The following BRAF variants were observed in gnomAD, a reference collection of about 807,000 sequenced individuals.
BRAF encodes the protein serine/threonine-protein kinase B-raf.
BRAF carries 16 observed loss-of-function variants against 104.6 expected under a neutral mutation model. The observed-to-expected ratio is 0.15, with a 90% CI of 0.10 to 0.23. The LOEUF (loss-of-function observed/expected upper bound fraction) is 0.23. Among genes scored for constraint, BRAF ranks in the 10% least tolerant of loss-of-function variants. The pLI is 1.00. For missense variants in BRAF, 541 were observed against 937.3 expected (o/e 0.58, Z 5.52); for synonymous variants, 310 against 341.6 (o/e 0.91, Z 1.02).
In BRAF at chr7:140,723,325, G is replaced by C; in HGVS notation, c.*3169C>G. 2.8e-6 allele frequency: 3 copies of C among 1,055,680 alleles called. No homozygotes were observed. Among genetic ancestry groups the C allele is most frequent in the Non-Finnish European group, 3.4e-6 (3 of 873,246 alleles). The allele number at this position is 1,055,680 out of a possible 1,614,324, so 65.4% of individuals were successfully genotyped here. A position where few individuals can be genotyped will look rare whatever the true frequency, so the allele number is the denominator to read the frequency against. The stretch of plus-strand genomic sequence containing the variant: ...TTCAGGTTGACAGTGCTGCAGTCTT[G>C]AATTATTTCTTTATATACTGCTCTT... On this transcript the variant is annotated 3_prime_UTR_variant, in exon 20 of 20. Coordinates refer to ENST00000644969, the MANE Select transcript of BRAF (RefSeq NM_001374258.1).
At chr7:140,862,563 G>C (rs1810534854) in intron 1 of BRAF, among the ~76,000 whole-genome samples, 1 of 152,156 alleles carries the variant, frequency 6.6e-6, no homozygotes, top group Admixed American at 6.5e-5. Flanking sequence ...ATAAATCCTA[G>C]TTTACATAAT....
intron 18 of BRAF, among the ~76,000 whole-genome samples, chr7:140,738,118 C>T (rs956571589): frequency 6.6e-6 from 1 of 152,034 alleles, no homozygotes; most frequent in African/African-American, 2.4e-5. Context: ...GGTTTCCTGA[C>T]TTAGAGAAAC....
intron 18 of BRAF, 74 bp from the exon 18 acceptor site, chr7:140,734,844 A>C (rs1329888904): frequency 1.4e-6 from 2 of 1,446,464 alleles, no homozygotes; most frequent in Non-Finnish European, 1.8e-6. Flanking sequence ...AAAAGAAAAA[A>C]CAGAAAGAAG....
At chr7:140,749,001 T>A (rs1359693780) in intron 17 of BRAF, 1 of 380,616 alleles carries the variant, frequency 2.6e-6, no homozygotes. Context: ...GCAGAGCTCA[T>A]TCTTCTAATT....
At chr7:140,858,277 A>G (rs1810024461) in intron 1 of BRAF, among the ~76,000 whole-genome samples, 1 of 152,228 alleles carries the variant, frequency 6.6e-6, no homozygotes. Context: ...CATGAAGTAT[A>G]CATGCAAAAC....
At chr7:140,840,785 GC>G (rs1036315681) in intron 2 of BRAF, among the ~76,000 whole-genome samples, 2 of 150,710 alleles carry the variant, frequency 1.3e-5, no homozygotes, top group Non-Finnish European at 3.0e-5. Flanking sequence ...TGCCATCTTG[GC>G]TCACTGCAAC....
chr7:140,924,473 A>T lies in BRAF; in HGVS notation c.138+93T>A, dbSNP rs1038292242. 5 of 1,511,020 alleles carry T rather than the reference A, an allele frequency of 3.3e-6. No homozygotes were observed. Among genetic ancestry groups the T allele is most frequent in the Admixed American group, 3.9e-5 (2 of 50,686 alleles). The allele number at this position is 1,511,020 out of a possible 1,614,324, so 93.6% of individuals were successfully genotyped here. A position where few individuals can be genotyped will look rare whatever the true frequency, so the allele number is the denominator to read the frequency against. On this transcript the variant is annotated intron_variant, in intron 1 of 19. Coordinates refer to ENST00000644969, the MANE Select transcript of BRAF (RefSeq NM_001374258.1). This position sits in a 1 kb window ranked among gnomAD's most constrained non-coding sequence, Gnocchi z 4.2. ...CTGGCCCGAGAAGGTGGCTGAGGGC[A>T]TCAAGCCCCCACCGCCGCCTCTTTC...
intron 3 of BRAF, among the ~76,000 whole-genome samples, chr7:140,817,247 G>A (rs1804977376): frequency 6.6e-6 from 1 of 152,014 alleles, no homozygotes; most frequent in Admixed American, 6.6e-5. Context: ...TAAAAACAAA[G>A]AAGTGAAAGA....
chr7:140,882,523 G>A (rs1033430935), intron 1 of BRAF, among the ~76,000 whole-genome samples: 7 of 151,758 alleles, frequency 4.6e-5, no homozygotes, highest in South Asian at 2.1e-4. Context: ...GACTACAGGC[G>A]CACGCCACCA....
intron 9 of BRAF, among the ~76,000 whole-genome samples, chr7:140,785,966 T>C (rs1801310491): frequency 6.6e-6 from 1 of 152,208 alleles, no homozygotes; most frequent in Non-Finnish European, 1.5e-5. Context: ...CCCAATGATT[T>C]TTTAAAAAGT....
chr7:140,755,393 C>T (rs944984640), intron 14 of BRAF, among the ~76,000 whole-genome samples: 1 of 152,120 alleles, frequency 6.6e-6, no homozygotes, highest in Non-Finnish European at 1.5e-5. Context: ...ATGCAATAAA[C>T]ACTGTTAAAA....
Position 140,776,764 on chromosome 7 carries a change from C to CAT in BRAF, c.1814+146_1814+147dup. 4.0e-6 allele frequency: 3 copies of CAT among 744,668 alleles called. No individual in the cohort carries two copies. In the East Asian group the frequency reaches 8.1e-5, roughly 20 times the overall value. The allele number at this position is 744,668 out of a possible 1,614,324, so 46.1% of individuals were successfully genotyped here. On this transcript the variant is annotated intron_variant, in intron 14 of 19. Transcript: ENST00000644969. ...GACAGAGACATTTATTTTTTAGTAT[C>CAT]ATATTATTTACCAGCCATTAGTTAG...
chr7:140,731,607 G>T (rs751658836), intron 19 of BRAF: 1 of 152,134 alleles, frequency 6.6e-6, no homozygotes, highest in African/African-American at 2.4e-5. Flanking sequence ...TTTTAGAGAG[G>T]ACAATTTTAA....
chr7:140,727,821 C>T (rs62487899), intron 19 of BRAF, among the ~76,000 whole-genome samples: 7,073 of 151,858 alleles, frequency 0.047, 188 homozygotes, highest in Middle Eastern at 0.086. Flanking sequence ...CAGGGTTTCA[C>T]TGTGTTAGTT....
chr7:140,741,505 A>G (rs1271706127), intron 17 of BRAF: 1 of 152,182 alleles, frequency 6.6e-6, no homozygotes, highest in Non-Finnish European at 1.5e-5. Context: ...ACACACCTAG[A>G]AGTAATAATG....
intron 8 of BRAF, among the ~76,000 whole-genome samples, chr7:140,790,325 A>T (rs932063145): frequency 6.6e-6 from 1 of 152,198 alleles, no homozygotes; most frequent in African/African-American, 2.4e-5. Context: ...AAGCTCCTTG[A>T]CAATCTTTTC....
rs1795596525 is a variant in BRAF, at chr7:140,726,350, T to C, written c.*144A>G. 32 of 1,446,260 alleles carry C rather than the reference T, an allele frequency of 2.2e-5. No individual in the cohort carries two copies. Among genetic ancestry groups the C allele is most frequent in the South Asian group, 1.0e-4 (7 of 68,020 alleles). 89.6% of individuals were successfully genotyped at this position (1,446,260 alleles called of 1,614,324 possible). The stretch of plus-strand genomic sequence containing the variant: ...CTTTCCTCTTTTGTTGGATGGGAAA[T>C]TCCATTCTGTTCCACATCAGCTTAT... On this transcript the variant is annotated 3_prime_UTR_variant, in exon 20 of 20. Coordinates refer to ENST00000644969, the MANE Select transcript of BRAF (RefSeq NM_001374258.1).
chr7:140,883,546 A>G (rs1040168197), intron 1 of BRAF, among the ~76,000 whole-genome samples: 9 of 152,246 alleles, frequency 5.9e-5, no homozygotes, highest in Non-Finnish European at 1.0e-4. Flanking sequence ...CTACATTGTA[A>G]CATAGAGCTA....
At chr7:140,911,986 C>T (rs760349540) in intron 1 of BRAF, among the ~76,000 whole-genome samples, 5 of 152,178 alleles carry the variant, frequency 3.3e-5, no homozygotes, top group East Asian at 1.9e-4. Flanking sequence ...ACTCATAATG[C>T]TGTCTAGACA....
Sources: gnomAD v4.1 joint callset for allele counts (sites outside exome capture counted in the v4.1 genomes callset) on GRCh38, gnomAD v4.1.1 for gene constraint, Gnocchi (gnomAD v3.1) non-coding constraint, MANE v1.5 for transcripts, NCBI Gene and HGNC (gene_info 2026-07-23, HGNC 2026-07-21) for gene names.